Variants in NINJ2 observed in about 807,000 individuals in gnomAD.
NINJ2 encodes ninjurin-2.
A neutral mutation model predicts 11.7 loss-of-function variants in NINJ2; 12 were observed. That is an observed-to-expected ratio of 1.02 (90% CI 0.66 to 1.66). The LOEUF is 1.66. NINJ2 is among the 40% of genes most tolerant of loss of function. The pLI is 0.00. For missense variants in NINJ2, 187 were observed against 181.8 expected (o/e 1.03, Z -0.16); for synonymous variants, 93 against 76.8 (o/e 1.21, Z -1.10).
chr12:644,843 A>C (rs1349692975), intron 1 of NINJ2: 1 of 152,176 alleles, frequency 6.6e-6, no homozygotes, highest in Non-Finnish European at 1.5e-5. Context: ...AAAACGGGGT[A>C]GGGCCTACTA....
At position 604,079 on chromosome 12, in the gene NINJ2, G is replaced by A. The variant is rs114465841; in HGVS notation, c.34-37901C>T. On this transcript the variant is annotated intron_variant, in intron 1 of 3. Coordinates refer to ENST00000305108, the MANE Select transcript of NINJ2 (RefSeq NM_016533.6). ...TTGTAGTAAGTTTTCCTGTTGGGAC[G>A]CGTGAGTCCTCCAGCCTTCTTTTTC... Among the ~76,000 whole-genome samples the A allele has an allele frequency of 1.5e-3, 232 of 152,242 alleles. 2 individuals carry two copies. Among genetic ancestry groups the A allele is most frequent in the African/African-American group, 5.3e-3 (220 of 41,522 alleles).
chr12:617,021 C>T (rs7135801), intron 1 of NINJ2, among the ~76,000 whole-genome samples: 1 of 152,054 alleles, frequency 6.6e-6, no homozygotes, highest in African/African-American at 2.4e-5. Context: ...GCCTGGCCAA[C>T]ATGGTGAAAC....
At chr12:643,527 T>TA (rs1354352353) in intron 1 of NINJ2, 2 of 987,998 alleles carry the variant, frequency 2.0e-6, no homozygotes, top group Non-Finnish European at 2.4e-6. Flanking sequence ...TCCCCTCACT[T>TA]AATCCTCCCA....
At chr12:606,729 C>T (rs1947946239) in intron 1 of NINJ2, among the ~76,000 whole-genome samples, 1 of 152,182 alleles carries the variant, frequency 6.6e-6, no homozygotes, top group African/African-American at 2.4e-5. Flanking sequence ...AGTTAGTCCA[C>T]AAAAATTGTC....
intron 1 of NINJ2, among the ~76,000 whole-genome samples, chr12:577,105 T>C (rs1947471621): frequency 6.6e-6 from 1 of 152,158 alleles, no homozygotes; most frequent in African/African-American, 2.4e-5. Flanking sequence ...TTTCGCACCA[T>C]CGTAAGTGAT....
chr12:593,667 A>G (rs1038663739), intron 1 of NINJ2, among the ~76,000 whole-genome samples: 6 of 152,080 alleles, frequency 3.9e-5, no homozygotes, highest in African/African-American at 1.4e-4. Context: ...GTGAACCGTG[A>G]GTGTGCCACT....
In NINJ2 at chr12:640,580, A is replaced by G. The variant is rs1001177096; in HGVS notation, c.33+22748T>C. On this transcript the variant is annotated intron_variant, in intron 1 of 3. Coordinates refer to ENST00000305108, the MANE Select transcript of NINJ2 (RefSeq NM_016533.6). This position sits in a 1 kb window ranked among gnomAD's most constrained non-coding sequence, Gnocchi z 4.0. ...TGCCCTGTCACCCAGGCTGGAGTGT[A>G]GTGGTGTGATATGGGCTCACTGCAA... Among the ~76,000 whole-genome samples the G allele has an allele frequency of 2.9e-4, 44 of 152,206 alleles. No homozygotes were observed. Among genetic ancestry groups the G allele is most frequent in the African/African-American group, 1.0e-3 (42 of 41,520 alleles).
chr12:662,409 C>CGAGAGAGAGA (rs111778018), intron 1 of NINJ2, among the ~76,000 whole-genome samples: 6,668 of 147,434 alleles, frequency 0.045, 268 homozygotes, highest in East Asian at 0.11. Flanking sequence ...ACACAGAGAA[C>CGAGAGAGAGA]GAGAGAGAGA....
chr12:576,309 C>G (rs1018029710), intron 1 of NINJ2, among the ~76,000 whole-genome samples: 1 of 152,124 alleles, frequency 6.6e-6, no homozygotes, highest in Admixed American at 6.5e-5. Context: ...GCGGCGAGGC[C>G]CCAGCTCAAC....
chr12:630,479 A>G (rs888171504), intron 1 of NINJ2, among the ~76,000 whole-genome samples: 4 of 151,918 alleles, frequency 2.6e-5, no homozygotes, highest in Non-Finnish European at 4.4e-5. Flanking sequence ...GGTTCAAGCG[A>G]TTCTCCTGCC....
At chr12:634,637 T>C (rs1430336428) in intron 1 of NINJ2, among the ~76,000 whole-genome samples, 2 of 152,148 alleles carry the variant, frequency 1.3e-5, no homozygotes, top group Non-Finnish European at 2.9e-5. Flanking sequence ...ACTTGCATCC[T>C]CTAAGTTTAG....
chr12:629,983 G>C (rs1263738438), intron 1 of NINJ2, among the ~76,000 whole-genome samples: 3 of 141,782 alleles, frequency 2.1e-5, no homozygotes, highest in Non-Finnish European at 1.5e-5. Flanking sequence ...TGTATTTTAT[G>C]TGTGGGGCAA....
rs190782264 is a variant in NINJ2, at chr12:600,164, G to T, written c.34-33986C>A. 1.2e-4 allele frequency among the ~76,000 whole-genome samples: 19 copies of T among 152,310 alleles called. 2 individuals are homozygous for T. Among genetic ancestry groups the T allele is most frequent in the Admixed American group, 1.2e-3 (18 of 15,290 alleles). On this transcript the variant is annotated intron_variant, in intron 1 of 3. Transcript: ENST00000305108. ...TCAGTGATCTTGGGAGGTCCTTGCAGCTGAGTCCTTCTGGGAGACATGCAA... is the reference window on the plus strand; with the variant it reads ...TCAGTGATCTTGGGAGGTCCTTGCATCTGAGTCCTTCTGGGAGACATGCAA...
chr12:655,989 G>A (rs1351215853), intron 1 of NINJ2, among the ~76,000 whole-genome samples: 1 of 151,832 alleles, frequency 6.6e-6, no homozygotes, highest in African/African-American at 2.4e-5. Flanking sequence ...TGGATAAGAG[G>A]ACTCACTATA....
At chr12:613,750 A>C (rs1948060510) in intron 1 of NINJ2, among the ~76,000 whole-genome samples, 1 of 151,920 alleles carries the variant, frequency 6.6e-6, no homozygotes, top group Non-Finnish European at 1.5e-5. Context: ...CTAAAAATTC[A>C]AAAAATTAGC....
intron 1 of NINJ2, among the ~76,000 whole-genome samples, chr12:582,189 C>T (rs1947564754): frequency 6.6e-6 from 1 of 152,266 alleles, no homozygotes; most frequent in African/African-American, 2.4e-5. Flanking sequence ...GGAATCCTTT[C>T]CTCCAGTGCC....
At chr12:573,216 G>A (rs1265054009) in intron 1 of NINJ2, among the ~76,000 whole-genome samples, 3 of 151,636 alleles carry the variant, frequency 2.0e-5, no homozygotes, top group Non-Finnish European at 2.9e-5. Flanking sequence ...TAGTAGAGAC[G>A]GGGTTTCACC....
chr12:632,264 AT>A (rs1948293532), intron 1 of NINJ2: 1 of 152,224 alleles, frequency 6.6e-6, no homozygotes, highest in African/African-American at 2.4e-5. Flanking sequence ...AGAATCAGAG[AT>A]TCCATTCAGC....
chr12:647,017 G>C (rs1937696210), intron 1 of NINJ2, among the ~76,000 whole-genome samples: 1 of 152,128 alleles, frequency 6.6e-6, no homozygotes, highest in Non-Finnish European at 1.5e-5. Flanking sequence ...TGCAGACTTT[G>C]GGCTGGCACT....
Sources: gnomAD v4.1 joint callset for allele counts (sites outside exome capture counted in the v4.1 genomes callset) on GRCh38, gnomAD v4.1.1 for gene constraint, Gnocchi (gnomAD v3.1) non-coding constraint, MANE v1.5 for transcripts, NCBI Gene and HGNC (gene_info 2026-07-23, HGNC 2026-07-21) for gene names.